Variants in KNDC1 observed in about 807,000 individuals in gnomAD.
The protein encoded by KNDC1 is kinase non-catalytic C-lobe domain containing 1, also known as kinase non-catalytic C-lobe domain-containing protein 1.
Under a neutral mutation model 172.8 loss-of-function variants are expected in KNDC1, and 106 were observed. That is an observed-to-expected ratio of 0.61 (90% confidence interval 0.52 to 0.72). The LOEUF is 0.72. Ranked by LOEUF, KNDC1 falls within the 30% of genes least tolerant of loss-of-function variation. KNDC1 has a pLI of 0.00. For missense variants in KNDC1, 2,325 were observed against 2,394.5 expected (o/e 0.97, Z 0.61); for synonymous variants, 1,083 against 1,062.2 (o/e 1.02, Z -0.38).
chr10:133,198,523 G>A (rs1184403135), intron 13 of KNDC1, 24 bp downstream of exon 13: 2 of 1,588,532 alleles, frequency 1.3e-6, no homozygotes, highest in Non-Finnish European at 1.7e-6. Context: ...CCACACCCCG[G>A]AGCTGCTGGG....
In KNDC1 at chr10:133,209,720, C is replaced by T. The variant is rs1589770021; in HGVS notation, c.3795-891C>T. ...GCTCTGTGGACCTGGTGGGCGTCAC[C>T]TTTGCAGGGCAGCCTGGGGCTGGGG... On this transcript the variant is annotated intron_variant, in intron 20 of 29. Coordinates refer to ENST00000304613, the MANE Select transcript of KNDC1 (RefSeq NM_152643.8). The surrounding 1 kb of genome is among the most constrained non-coding windows in gnomAD (Gnocchi z 4.9). 6.6e-6 allele frequency among the ~76,000 whole-genome samples: 1 copy of T among 152,142 alleles called. No individual in the cohort carries two copies. Among genetic ancestry groups the T allele is most frequent in the East Asian group, 1.9e-4 (1 of 5,174 alleles).
Position 133,211,752 on chromosome 10 carries a change from G to T in KNDC1, c.4130G>T (p.Gly1377Val). 1 of 1,609,998 alleles carries T rather than the reference G, an allele frequency of 6.2e-7. No homozygotes were observed. Among genetic ancestry groups the T allele is most frequent in the Non-Finnish European group, 8.5e-7 (1 of 1,178,978 alleles). Residue 1377 changes from glycine (G) to valine (V), a missense_variant, in exon 23 of 30, where the codon GGC (glycine) becomes GTC (valine). Coordinates refer to ENST00000304613, the MANE Select transcript of KNDC1 (RefSeq NM_152643.8). The stretch of plus-strand genomic sequence containing the variant: ...GTGGGCATGGACCGGCGGGCCGAGG[G>T]CAACCCTCGCGGCACAGACCTGGAG... ...LEVGMDRRAE[G>V]NPRGTDLENP...
chr10:133,206,339 G>A (rs1487831339), intron 17 of KNDC1, among the ~76,000 whole-genome samples: 1 of 152,276 alleles, frequency 6.6e-6, no homozygotes. Context: ...CCCAGAGGTG[G>A]CACAGCCCTG....
chr10:133,199,059 C>T lies in KNDC1; in HGVS notation c.2551C>T (p.Pro851Ser), dbSNP rs771216680. The change falls in exon 14 of 30, where the codon CCT (proline) becomes TCT (serine). Residue 851 changes from proline (P) to serine (S), a missense_variant. Coordinates refer to ENST00000304613, the MANE Select transcript of KNDC1 (RefSeq NM_152643.8). ...GQEPEGPGAT[P>S]AGERDDQSPD... ...GGAGCCAGAGGGCCCCGGGGCCACC[C>T]CTGCCGGGGAACGTGATGACCAGAG... The T allele has an allele frequency of 1.9e-6, 3 of 1,599,996 alleles. No individual in the cohort carries two copies. Among genetic ancestry groups the T allele is most frequent in the Non-Finnish European group, 2.6e-6 (3 of 1,174,350 alleles).
chr10:133,213,272 C>T (rs1267030351), intron 24 of KNDC1, among the ~76,000 whole-genome samples: 10 of 152,230 alleles, frequency 6.6e-5, no homozygotes, highest in African/African-American at 2.4e-5. Flanking sequence ...TGGGCCAACC[C>T]GGTTCCTTGT....
chr10:133,219,859 C>A (rs1845545735), intron 28 of KNDC1, 96 bp from the exon 29 acceptor site: 1 of 1,250,028 alleles, frequency 8.0e-7, no homozygotes, highest in Non-Finnish European at 1.1e-6. Flanking sequence ...AACGCAGGAC[C>A]CGCTGGGACT....
intron 17 of KNDC1, among the ~76,000 whole-genome samples, chr10:133,204,786 T>A (rs1215545036): frequency 6.6e-6 from 1 of 152,154 alleles, no homozygotes; most frequent in Non-Finnish European, 1.5e-5. Flanking sequence ...AAAGGAAGCC[T>A]GGTGGACCGG....
In KNDC1 at chr10:133,197,753, C is replaced by A; in HGVS notation, c.1891C>A (p.Pro631Thr). 2 of 1,612,250 alleles carry A rather than the reference C, an allele frequency of 1.2e-6. No individual in the cohort carries two copies. The highest frequency in any genetic ancestry group is 1.7e-6 in the Non-Finnish European group (2 of 1,179,804). Residue 631 changes from proline to threonine, a missense_variant, in exon 12 of 30, where the codon CCA (proline) becomes ACA (threonine). By Grantham distance (38) the Pro-to-Thr change is conservative (BLOSUM62 -1). Transcript: ENST00000304613. ...VELKPSVAPA[P>T]EPSPGFLPVN... ...ACTGAAGCCCAGTGTGGCACCAGCCCCAGAGCCCAGCCCAGGTGGGGACCT... is the reference window on the plus strand; with the variant it reads ...ACTGAAGCCCAGTGTGGCACCAGCCACAGAGCCCAGCCCAGGTGGGGACCT...
In KNDC1 at chr10:133,163,694, G is replaced by A. The variant is rs117205246; in HGVS notation, c.102+3125G>A. 6.6e-6 allele frequency among the ~76,000 whole-genome samples: 1 copy of A among 152,150 alleles called. No homozygotes were observed. Among genetic ancestry groups the A allele is most frequent in the Non-Finnish European group, 1.5e-5 (1 of 68,012 alleles). On this transcript the variant is annotated intron_variant, in intron 1 of 29. Coordinates refer to ENST00000304613, the MANE Select transcript of KNDC1 (RefSeq NM_152643.8). The surrounding 1 kb of genome is among the most constrained non-coding windows in gnomAD (Gnocchi z 4.4). The stretch of plus-strand genomic sequence containing the variant: ...AGGCGTCCCTGTGTAACCCTGGCTC[G>A]AAGTCTGCCTGGCAGTGTGGCGGGG...
chr10:133,202,622 C>G (rs140416626), intron 17 of KNDC1: 2 of 456,566 alleles, frequency 4.4e-6, no homozygotes, highest in East Asian at 6.9e-5. Context: ...CCGTGGGAAG[C>G]CTCCCCCAGC....
chr10:133,171,402 G>A (rs1166834208), intron 3 of KNDC1, among the ~76,000 whole-genome samples: 2 of 151,828 alleles, frequency 1.3e-5, no homozygotes, highest in Non-Finnish European at 2.9e-5. Flanking sequence ...TCCCAAGTAG[G>A]TGGGGCTGCA....
At chr10:133,215,872 C>G (rs1220511900) in intron 26 of KNDC1, among the ~76,000 whole-genome samples, 1 of 152,258 alleles carries the variant, frequency 6.6e-6, no homozygotes, top group Non-Finnish European at 1.5e-5. Flanking sequence ...GTGGCCGGGA[C>G]AGAGCTCGGC....
At chr10:133,172,071 T>C (rs923945254) in intron 3 of KNDC1, among the ~76,000 whole-genome samples, 3 of 152,256 alleles carry the variant, frequency 2.0e-5, no homozygotes, top group Non-Finnish European at 4.4e-5. Flanking sequence ...ATGGTCCTGC[T>C]ACAGGTTTTC....
rs765639266 is a variant in KNDC1, at chr10:133,213,648, T to C, written c.4447T>C (p.Leu1483=). Reference sequence around the variant, plus strand: ...CTTGTTTCCATGTTCTGGGCAGGAGTTGTTTCAAAAGTGCCACCCGGTCCA... The same window carrying C: ...CTTGTTTCCATGTTCTGGGCAGGAGCTGTTTCAAAAGTGCCACCCGGTCCA... ...FSQLTLLQQE[L]FQKCHPVHFL... is the part of the protein sequence containing the mutation. The change falls in exon 25 of 30, where the codon TTG becomes CTG. Residue 1483 remains leucine (L), a synonymous_variant. Transcript: ENST00000304613. 6.2e-7 allele frequency: 1 copy of C among 1,613,378 alleles called. No homozygotes were observed. Among genetic ancestry groups the C allele is most frequent in the Non-Finnish European group, 8.5e-7 (1 of 1,179,740 alleles).
chr10:133,184,078 ATGCACACACACACAC>A (rs1195045363), intron 5 of KNDC1, 89 bp downstream of exon 5: 2 of 693,282 alleles, frequency 2.9e-6, no homozygotes, highest in Non-Finnish European at 4.9e-6. Flanking sequence ...AAACACACCC[ATGCACACACACACAC>A]TGCACACACA....
intron 3 of KNDC1, among the ~76,000 whole-genome samples, chr10:133,177,140 A>G (rs1853558363): frequency 6.6e-6 from 1 of 151,428 alleles, no homozygotes; most frequent in Admixed American, 6.6e-5. Context: ...TCCATGTCCA[A>G]TTGTGTGTCT....
intron 10 of KNDC1, among the ~76,000 whole-genome samples, chr10:133,196,416 G>T (rs148897383): frequency 2.6e-3 from 393 of 152,260 alleles, no homozygotes; most frequent in Non-Finnish European, 4.7e-3. Context: ...GGACCTCCTG[G>T]GGAGGAGCCG....
chr10:133,203,470 C>G (rs1166609958), intron 17 of KNDC1, among the ~76,000 whole-genome samples: 1 of 152,264 alleles, frequency 6.6e-6, no homozygotes, highest in Admixed American at 6.5e-5. Context: ...TGGAGACAGA[C>G]TTTCACATCC....
rs1173002264 is a variant in KNDC1, at chr10:133,212,754, G to A, written c.4275G>A (p.Val1425=). The A allele has an allele frequency of 4.3e-6, 7 of 1,613,444 alleles. No individual in the cohort carries two copies. Among genetic ancestry groups the A allele is most frequent in the African/African-American group, 2.7e-5 (2 of 74,938 alleles). The change falls in exon 24 of 30, where the codon GTG becomes GTA. Residue 1425 remains valine, a synonymous_variant. Transcript: ENST00000304613. ...GGCTGCCCCGAGGCAACGGGCTGGT[G>A]CTGCCGCCACACAAGGAGCGCCCCT... is the stretch of plus-strand genomic sequence containing the variant. The part of the protein sequence containing the change: ...PWRLPRGNGL[V]LPPHKERPYT...
Sources: allele counts gnomAD v4.1 joint callset (sites outside exome capture counted in the v4.1 genomes callset), GRCh38; gene constraint gnomAD v4.1.1; non-coding constraint Gnocchi (gnomAD v3.1); transcripts MANE v1.5; gene names NCBI Gene and HGNC (gene_info 2026-07-23, HGNC 2026-07-21).